Variants in TCAIM observed in about 807,000 individuals in gnomAD.
The protein encoded by TCAIM is T-cell activation inhibitor, mitochondrial.
Under a neutral mutation model 58.6 loss-of-function variants are expected in TCAIM, and 36 were observed. The ratio of observed to expected loss-of-function variants is 0.61; its 90% CI spans 0.47 to 0.81. TCAIM has a LOEUF of 0.81. Among genes scored for constraint, TCAIM ranks in the 30% least tolerant of loss-of-function variants. TCAIM has a pLI of 0.00. For missense variants in TCAIM, 466 were observed against 579.6 expected, an observed-to-expected ratio of 0.80 and a Z score of 2.01; for synonymous variants, 172 against 193.6, an observed-to-expected ratio of 0.89 and a Z score of 0.93.
chr3:44,386,154 A>G (rs908538599), intron 5 of TCAIM, among the ~76,000 whole-genome samples: 4 of 136,810 alleles, frequency 2.9e-5, no homozygotes, highest in African/African-American at 5.6e-5. Flanking sequence ...CGAAGGTTGC[A>G]GTGAGCTGAG....
rs375478701 is a variant in TCAIM, at chr3:44,400,563, G to A, written c.1094G>A (p.Arg365His). 211 of 1,613,284 alleles carry A rather than the reference G, an allele frequency of 1.3e-4. 2 individuals are homozygous for A. In the Middle Eastern group the frequency reaches 1.8e-3, roughly 14 times the overall value. Residue 365 changes from arginine to histidine, a missense_variant, in exon 9 of 11, where the codon CGT (arginine) becomes CAT (histidine). By Grantham distance (29) the Arg-to-His change is conservative. Coordinates refer to ENST00000342649, the MANE Select transcript of TCAIM (RefSeq NM_173826.4). ...ATACTATTTCACCCTCGAAGTTTGC[G>A]TGGTTTACAAATGATCCTTAACAGG... ...SRILFHPRSL[R>H]GLQMILNSDR...
At chr3:44,368,365 G>A (rs552244282) in intron 5 of TCAIM, among the ~76,000 whole-genome samples, 2 of 152,202 alleles carry the variant, frequency 1.3e-5, no homozygotes, top group African/African-American at 4.8e-5. Flanking sequence ...GCTTATCAGA[G>A]GATTCTCTCA....
At chr3:44,349,951 C>A (rs552993734) in intron 1 of TCAIM, among the ~76,000 whole-genome samples, 1 of 152,026 alleles carries the variant, frequency 6.6e-6, no homozygotes, top group East Asian at 1.9e-4. Context: ...GTGGATCTTT[C>A]TTACGGAGCA....
At chr3:44,382,225 A>G (rs1459551138) in intron 5 of TCAIM, among the ~76,000 whole-genome samples, 2 of 152,228 alleles carry the variant, frequency 1.3e-5, no homozygotes, top group African/African-American at 4.8e-5. Flanking sequence ...AACTTACTGC[A>G]AAGCTATAGT....
chr3:44,339,413 C>T (rs977548000), intron 1 of TCAIM, among the ~76,000 whole-genome samples: 4 of 152,184 alleles, frequency 2.6e-5, no homozygotes, highest in Non-Finnish European at 5.9e-5. Flanking sequence ...CTCTATTTGG[C>T]ACACACTCGG....
upstream of TCAIM, chr3:44,338,176 C>T (rs1475809505): frequency 6.6e-6 from 1 of 152,484 alleles, no homozygotes; most frequent in Non-Finnish European, 1.5e-5. Context: ...CTCGGTTGCC[C>T]TTCTCCGTTC....
chr3:44,377,190 A>C (rs947382490), intron 5 of TCAIM, among the ~76,000 whole-genome samples: 2 of 152,236 alleles, frequency 1.3e-5, no homozygotes, highest in African/African-American at 4.8e-5. Flanking sequence ...GTGGAAAAAG[A>C]TAGTATTCCA....
Position 44,400,597 on chromosome 3 carries a change from T to C in TCAIM, c.1118+10T>C. ...AAATGATCCTTAACAGGTAAATATC[T>C]AAGATAGAAGGATTACTTTTATTCC... On this transcript the variant is annotated intron_variant, in intron 9 of 10. Transcript: ENST00000342649. The C allele has an allele frequency of 6.3e-7, 1 of 1,598,584 alleles. No individual in the cohort carries two copies. The highest frequency in any genetic ancestry group is 8.6e-7 in the Non-Finnish European group (1 of 1,166,818).
chr3:44,397,508 ATACC>A (rs1233646101), intron 8 of TCAIM, among the ~76,000 whole-genome samples: 2 of 152,238 alleles, frequency 1.3e-5, no homozygotes, highest in African/African-American at 4.8e-5. Context: ...TGGTATAAAT[ATACC>A]ACAGTTTGTT....
intron 2 of TCAIM, among the ~76,000 whole-genome samples, chr3:44,356,643 A>C (rs903678008): frequency 3.3e-5 from 5 of 151,832 alleles, no homozygotes; most frequent in Non-Finnish European, 7.4e-5. Context: ...TTTAAAAAAC[A>C]CTCCCAGGTG....
At chr3:44,392,153 A>T (rs547059244) in intron 5 of TCAIM, among the ~76,000 whole-genome samples, 2 of 152,330 alleles carry the variant, frequency 1.3e-5, no homozygotes, top group Admixed American at 6.5e-5. Flanking sequence ...TAATATGCAA[A>T]GGAAGTTGTC....
intron 5 of TCAIM, among the ~76,000 whole-genome samples, chr3:44,377,426 G>A (rs1701583383): frequency 6.6e-6 from 1 of 152,088 alleles, no homozygotes; most frequent in Admixed American, 6.6e-5. Context: ...AATAATGGCT[G>A]GACACTTCAG....
intron 3 of TCAIM, chr3:44,358,826 T>C: frequency 1.0e-6 from 1 of 985,412 alleles, no homozygotes. Flanking sequence ...CTTGAAATCT[T>C]GAAAATTAGA....
intron 1 of TCAIM, among the ~76,000 whole-genome samples, 196 bp from the exon 2 acceptor site, chr3:44,354,543 C>G (rs1031284294): frequency 1.3e-5 from 2 of 152,158 alleles, no homozygotes; most frequent in African/African-American, 4.8e-5. Context: ...TATCCATGAA[C>G]ATGGAGTATC....
intron 6 of TCAIM, among the ~76,000 whole-genome samples, chr3:44,395,555 G>A (rs1701920211): frequency 6.6e-6 from 1 of 152,218 alleles, no homozygotes; most frequent in Non-Finnish European, 1.5e-5. Context: ...CTCGAGACCG[G>A]TGCTCTTCAG....
At position 44,400,431 on chromosome 3, in the gene TCAIM, T is replaced by TAA. The variant is rs1282270087; in HGVS notation, c.963_964insAA (p.Gly322LysfsTer16). On this transcript the variant is annotated frameshift_variant, in exon 9 of 11. Transcript: ENST00000342649. LOFTEE classifies it high-confidence loss of function. ...TTAGAAGACCAAATAAGCTATCTTTTAGGTGGCATACAAGTTGTTTATATT... is the reference window on the plus strand; with the variant it reads ...TTAGAAGACCAAATAAGCTATCTTTTAAAGGTGGCATACAAGTTGTTTATATT... 6.2e-7 allele frequency: 1 copy of TAA among 1,613,864 alleles called. No homozygotes were observed. Among genetic ancestry groups the TAA allele is most frequent in the East Asian group, 2.2e-5 (1 of 44,790 alleles).
At chr3:44,341,140 A>G (rs1700847551) in intron 1 of TCAIM, 1 of 152,184 alleles carries the variant, frequency 6.6e-6, no homozygotes, top group Non-Finnish European at 1.5e-5. Flanking sequence ...AGAAATATGA[A>G]TTGGCTGCCA....
intron 8 of TCAIM, among the ~76,000 whole-genome samples, chr3:44,398,497 A>ATAGC (rs1417677040): frequency 6.6e-6 from 1 of 151,112 alleles, no homozygotes; most frequent in Non-Finnish European, 1.5e-5. Context: ...AGATAGATAG[A>ATAGC]TAAAACCATA....
chr3:44,398,809 T>C (rs1226604315), intron 8 of TCAIM, among the ~76,000 whole-genome samples: 2 of 152,192 alleles, frequency 1.3e-5, no homozygotes, highest in Non-Finnish European at 2.9e-5. Context: ...AACAAACTGG[T>C]ACATCCATAC....
Sources: gnomAD v4.1 joint callset for allele counts (sites outside exome capture counted in the v4.1 genomes callset) on GRCh38, gnomAD v4.1.1 for gene constraint, MANE v1.5 for transcripts, NCBI Gene and HGNC (gene_info 2026-07-23, HGNC 2026-07-21) for gene names.